SLC27A2: variants seen among roughly 807,000 people sequenced by gnomAD.
The protein encoded by SLC27A2 is long-chain fatty acid transport protein 2.
In SLC27A2, 54 loss-of-function variants were observed where a neutral mutation model predicts 60.0. That is an observed-to-expected ratio of 0.90 (90% confidence interval 0.72 to 1.13). The LOEUF (loss-of-function observed/expected upper bound fraction) is 1.13, where lower values mean the gene tolerates loss of function less well. Ranked by LOEUF, SLC27A2 falls within the 50% of genes most tolerant of loss-of-function variation. The pLI is 0.00. For missense variants in SLC27A2, 739 were observed against 777.6 expected (o/e 0.95, Z 0.59); for synonymous variants, 297 against 297.6 (o/e 1.00, Z 0.02).
At chr15:50,217,632 C>A (rs966644140) in intron 4 of SLC27A2, among the ~76,000 whole-genome samples, 1 of 152,146 alleles carries the variant, frequency 6.6e-6, no homozygotes, top group African/African-American at 2.4e-5. Context: ...CCTCACCCTG[C>A]CCCCACAGAA....
chr15:50,229,142 T>G, intron 8 of SLC27A2, 100 bp downstream of exon 8: 1 of 750,630 alleles, frequency 1.3e-6, no homozygotes, highest in East Asian at 2.7e-5. Flanking sequence ...CCATCCAGAG[T>G]TAAACAGTTC....
rs1243128570 is a variant in SLC27A2 at position 50,182,706 on chromosome 15, G to T, written c.279G>T (p.Arg93=). 1.9e-6 allele frequency: 3 copies of T among 1,613,708 alleles called. No individual in the cohort carries two copies. The East Asian group carries it at 6.7e-5, about 36-fold the overall frequency. Residue 93 remains arginine (R), a synonymous_variant, in exon 1 of 10, where the codon CGG becomes CGT. Transcript: ENST00000267842. The stretch of plus-strand genomic sequence containing the variant: ...ACCGGCGCAGCAATCAAGTGGCCCG[G>T]GCGCTGCACGACCACCTCGGCCTGC... ...QVDRRSNQVA[R]ALHDHLGLRQ...
Position 50,182,359 on chromosome 15 carries a change from C to T in SLC27A2, c.-69C>T. The T allele has an allele frequency of 7.1e-7, 1 of 1,406,454 alleles. No homozygotes were observed. Among genetic ancestry groups the T allele is most frequent in the Non-Finnish European group, 9.2e-7 (1 of 1,082,368 alleles). 87.1% of individuals were successfully genotyped at this position (1,406,454 alleles called of 1,614,324 possible). On this transcript the variant is annotated 5_prime_UTR_variant, in exon 1 of 10. Transcript: ENST00000267842. ...GCCCGCCAGTCCGCCCGGAGCCCGC[C>T]CAGTCGCCGCGCTGCACGCCCGGGG...
intron 1 of SLC27A2, among the ~76,000 whole-genome samples, chr15:50,191,902 A>C (rs1167173980): frequency 6.6e-6 from 1 of 152,098 alleles, no homozygotes; most frequent in Non-Finnish European, 1.5e-5. Flanking sequence ...TCTACTAAAA[A>C]TACAAACATT....
intron 3 of SLC27A2, among the ~76,000 whole-genome samples, chr15:50,204,907 A>AGT (rs1232817075): frequency 6.8e-6 from 1 of 147,580 alleles, no homozygotes; most frequent in Non-Finnish European, 1.5e-5. Context: ...ACATATATTT[A>AGT]GTATATATAT....
At chr15:50,183,046 T>G in intron 1 of SLC27A2, 141 bp downstream of exon 1, 1 of 838,640 alleles carries the variant, frequency 1.2e-6, no homozygotes, top group South Asian at 1.7e-5. Context: ...AGTGTTTCCT[T>G]GAATCGCAAA....
intron 4 of SLC27A2, among the ~76,000 whole-genome samples, chr15:50,206,509 C>A (rs910695296): frequency 6.6e-6 from 1 of 152,206 alleles, no homozygotes; most frequent in African/African-American, 2.4e-5. Context: ...GTCTCTCTCA[C>A]CTCACTTTAC....
At chr15:50,190,617 TAA>T (rs10532098) in intron 1 of SLC27A2, among the ~76,000 whole-genome samples, 112,494 of 147,988 alleles carry the variant, frequency 0.76, 43,425 homozygotes, top group East Asian at 0.94. Flanking sequence ...CCTTTTTCCT[TAA>T]AAAAAAAAAA....
chr15:50,184,073 C>T (rs1013156321), intron 1 of SLC27A2, among the ~76,000 whole-genome samples: 1 of 133,920 alleles, frequency 7.5e-6, no homozygotes. Context: ...TCACTGTAAC[C>T]TCTGCCTCCC....
intron 8 of SLC27A2, among the ~76,000 whole-genome samples, chr15:50,229,340 TGCTTAAGA>T (rs1770656665): frequency 6.6e-6 from 1 of 152,210 alleles, no homozygotes; most frequent in Non-Finnish European, 1.5e-5. Context: ...AGTCGTGTCA[TGCTTAAGA>T]GCTGGGAAAT....
chr15:50,197,838 C>A, intron 2 of SLC27A2, 129 bp downstream of exon 2: 1 of 666,074 alleles, frequency 1.5e-6, no homozygotes, highest in Admixed American at 2.7e-5. Context: ...TAGTTATTTG[C>A]CTGCGGGAAC....
chr15:50,201,807 A>G (rs888005629), intron 2 of SLC27A2, among the ~76,000 whole-genome samples: 3 of 152,158 alleles, frequency 2.0e-5, no homozygotes, highest in Non-Finnish European at 4.4e-5. Flanking sequence ...CGCCCGCCTC[A>G]GCCTCCCAAA....
chr15:50,197,652 A>C lies in SLC27A2; in HGVS notation c.631A>C (p.Arg211=), dbSNP rs1361838819. 6.2e-7 allele frequency: 1 copy of C among 1,614,090 alleles called. No homozygotes were observed. The highest frequency in any genetic ancestry group is 8.5e-7 in the Non-Finnish European group (1 of 1,179,972). ...VSTEPIPESW[R]SEVTFSTPAL... is the part of the protein sequence containing the mutation. The stretch of plus-strand genomic sequence containing the variant: ...AACTGAACCTATCCCAGAGTCATGG[A>C]GGTCTGAAGTCACTTTTTCCACTCC... Residue 211 remains arginine (R), a synonymous_variant, in exon 2 of 10, where the codon AGG becomes CGG. Transcript: ENST00000267842.
intron 4 of SLC27A2, among the ~76,000 whole-genome samples, chr15:50,217,077 A>C (rs926479941): frequency 6.0e-5 from 9 of 151,214 alleles, no homozygotes; most frequent in African/African-American, 2.2e-4. Flanking sequence ...ATAATACAAT[A>C]GACTTTGGGG....
chr15:50,204,995 T>C (rs747676168), intron 3 of SLC27A2, among the ~76,000 whole-genome samples: 10 of 150,868 alleles, frequency 6.6e-5, no homozygotes, highest in Non-Finnish European at 1.3e-4. Flanking sequence ...TTTGAATCTC[T>C]TACTGCAAGC....
rs1223323871 is a variant in SLC27A2, at chr15:50,197,555, C to T, written c.534C>T (p.Ser178=). 1 of 1,613,884 alleles carries T rather than the reference C, an allele frequency of 6.2e-7. No homozygotes were observed. Among genetic ancestry groups the T allele is most frequent in the Non-Finnish European group, 8.5e-7 (1 of 1,179,926 alleles). The change falls in exon 2 of 10, where the codon TCC becomes TCT. Residue 178 remains serine (S), a synonymous_variant. Transcript: ENST00000267842. ...CAAGCCTTAAAAAAGATGATGTGTCCATCTATTATGTGAGCAGAACTTCTA... is the reference window on the plus strand; with the variant it reads ...CAAGCCTTAAAAAAGATGATGTGTCTATCTATTATGTGAGCAGAACTTCTA... The part of the protein sequence containing the change: ...ILPSLKKDDV[S]IYYVSRTSNT...
Position 50,196,078 on chromosome 15 carries a change from ATATATATATATATAT to A in SLC27A2, c.479-1421_479-1407del, listed in dbSNP as rs1488753389. Among the ~76,000 whole-genome samples the A allele has an allele frequency of 6.0e-3, 47 of 7,796 alleles. 8 individuals carry two copies. The highest frequency in any genetic ancestry group is 0.023 in the East Asian group (3 of 128). The allele number at this position is 7,796 out of a possible 152,430, so 5.1% of individuals were successfully genotyped here. ...CAAAAAAAAAAAAAAAAAAAAAAAAATATATATATATATATATATATATATATATATATATATATA... is the reference window on the plus strand; with the variant it reads ...CAAAAAAAAAAAAAAAAAAAAAAAAAATATATATATATATATATATATATA... On this transcript the variant is annotated intron_variant, in intron 1 of 9. Coordinates refer to ENST00000267842, the MANE Select transcript of SLC27A2 (RefSeq NM_003645.4).
At chr15:50,212,701 T>C (rs914908862) in intron 4 of SLC27A2, among the ~76,000 whole-genome samples, 1 of 152,126 alleles carries the variant, frequency 6.6e-6, no homozygotes, top group Non-Finnish European at 1.5e-5. Flanking sequence ...GCATCATATA[T>C]GAAGAAAAGA....
chr15:50,228,318 A>T (rs1056715591), intron 7 of SLC27A2, among the ~76,000 whole-genome samples: 1 of 138,176 alleles, frequency 7.2e-6, no homozygotes, highest in African/African-American at 2.7e-5. Context: ...CGGAGGTTGC[A>T]GTGAGCTGAG....
Sources: allele counts gnomAD v4.1 joint callset (sites outside exome capture counted in the v4.1 genomes callset), GRCh38; gene constraint gnomAD v4.1.1; transcripts MANE v1.5; gene names NCBI Gene and HGNC (gene_info 2026-07-23, HGNC 2026-07-21).